The following TMEM131 variants were observed in gnomAD, a reference collection of about 807,000 sequenced individuals.
TMEM131 encodes the protein 2610524E03Rik.
Under a neutral mutation model 211.6 loss-of-function variants are expected in TMEM131, and 66 were observed. The ratio of observed to expected loss-of-function variants is 0.31; its 90% CI spans 0.26 to 0.38. The LOEUF is 0.38. Among genes scored for constraint, TMEM131 ranks in the 10% least tolerant of loss-of-function variants. TMEM131 has a pLI of 1.00. For synonymous variants in TMEM131, 844 were observed against 841.3 expected, an observed-to-expected ratio of 1.00 and a Z score of -0.06; for missense variants, 2,036 against 2,299.3, an observed-to-expected ratio of 0.89 and a Z score of 2.34.
At chr2:97,850,309 G>A (rs1184261564) in intron 5 of TMEM131, among the ~76,000 whole-genome samples, 3 of 152,158 alleles carry the variant, frequency 2.0e-5, no homozygotes, top group East Asian at 3.8e-4. Flanking sequence ...GGGCAGTGAA[G>A]AAAACTTATG....
At chr2:97,873,304 G>C (rs1243719040) in intron 4 of TMEM131, among the ~76,000 whole-genome samples, 1 of 152,228 alleles carries the variant, frequency 6.6e-6, no homozygotes, top group Non-Finnish European at 1.5e-5. Flanking sequence ...TGGGGAAAGG[G>C]GCAGCTGTGG....
intron 1 of TMEM131, among the ~76,000 whole-genome samples, chr2:97,933,030 T>G (rs1677296539): frequency 6.6e-6 from 1 of 152,224 alleles, no homozygotes; most frequent in East Asian, 1.9e-4. Context: ...TTCAGTATAG[T>G]AACATGTTGT....
At position 97,938,791 on chromosome 2, in the gene TMEM131, C is replaced by T. The variant is rs140380357; in HGVS notation, c.188-11304G>A. 1.7e-3 allele frequency among the ~76,000 whole-genome samples: 264 copies of T among 152,276 alleles called. 9 individuals are homozygous for T. The East Asian group carries it at 0.043, about 25-fold the overall frequency. The stretch of plus-strand genomic sequence containing the variant: ...ACATAGTTGGAAGTAAAGCACTCCT[C>T]GGCAAATGTAAAAGAATAGAAATTA... On this transcript the variant is annotated intron_variant, in intron 1 of 40. Coordinates refer to ENST00000186436, the MANE Select transcript of TMEM131 (RefSeq NM_015348.2).
chr2:97,969,812 G>A (rs1679219274), intron 1 of TMEM131, among the ~76,000 whole-genome samples: 1 of 152,188 alleles, frequency 6.6e-6, no homozygotes, highest in Non-Finnish European at 1.5e-5. Flanking sequence ...TTATTAATAA[G>A]CAGTGTTTCA....
chr2:97,800,492 G>A (rs1196645734), intron 25 of TMEM131, among the ~76,000 whole-genome samples: 1 of 151,904 alleles, frequency 6.6e-6, no homozygotes, highest in East Asian at 1.9e-4. Flanking sequence ...GCTCACGCCT[G>A]TAATCCCAGT....
intron 3 of TMEM131, among the ~76,000 whole-genome samples, chr2:97,908,314 G>A (rs138970326): frequency 1.7e-4 from 26 of 152,266 alleles, no homozygotes; most frequent in African/African-American, 6.3e-4. Flanking sequence ...GCAGACCCCT[G>A]GTAACTGGGG....
At position 97,826,157 on chromosome 2, in the gene TMEM131, G is replaced by A. The variant is rs137862168; in HGVS notation, c.1074+7208C>T. ...TGATGAAAGTTCATTTGTGGAAAAT[G>A]GGATATGAAGGGCAGGTTATGCCAT... is the stretch of plus-strand genomic sequence containing the variant. On this transcript the variant is annotated intron_variant, in intron 11 of 40. Coordinates refer to ENST00000186436, the MANE Select transcript of TMEM131 (RefSeq NM_015348.2). Among the ~76,000 whole-genome samples the A allele has an allele frequency of 6.2e-3, 950 of 152,324 alleles. 14 individuals are homozygous for A. The highest frequency in any genetic ancestry group is 0.02 in the African/African-American group (828 of 41,580).
intron 1 of TMEM131, among the ~76,000 whole-genome samples, chr2:97,947,569 AAAAG>A (rs1678102110): frequency 6.6e-6 from 1 of 152,126 alleles, no homozygotes; most frequent in South Asian, 2.1e-4. Context: ...CACCTAAATA[AAAAG>A]AAAGATATAC....
chr2:97,931,829 T>C (rs1677232055), intron 1 of TMEM131, among the ~76,000 whole-genome samples: 2 of 152,206 alleles, frequency 1.3e-5, no homozygotes, highest in Admixed American at 1.3e-4. Context: ...CCTAGCATGC[T>C]GTTGTTATGG....
intron 17 of TMEM131, among the ~76,000 whole-genome samples, chr2:97,812,189 G>C (rs923215232): frequency 6.6e-6 from 1 of 152,196 alleles, no homozygotes; most frequent in Non-Finnish European, 1.5e-5. Context: ...AAATTTGTGT[G>C]TTATAGAACT....
chr2:97,983,692 T>C (rs1679903635), intron 1 of TMEM131, among the ~76,000 whole-genome samples: 1 of 152,344 alleles, frequency 6.6e-6, no homozygotes, highest in Non-Finnish European at 1.5e-5. Flanking sequence ...CTTTGATCAC[T>C]AGAAGCAGGG....
intron 1 of TMEM131, among the ~76,000 whole-genome samples, chr2:97,991,783 T>A (rs1680279095): frequency 6.6e-6 from 1 of 152,188 alleles, no homozygotes; most frequent in Non-Finnish European, 1.5e-5. Flanking sequence ...AGAGAACACC[T>A]AAAATATCAA....
chr2:97,777,666 C>T (rs1239594522), intron 31 of TMEM131, among the ~76,000 whole-genome samples: 1 of 152,180 alleles, frequency 6.6e-6, no homozygotes, highest in Non-Finnish European at 1.5e-5. Flanking sequence ...ACACTGATTA[C>T]AAGAAGTGTT....
At chr2:97,768,055 G>A (rs1324521698) in intron 33 of TMEM131, among the ~76,000 whole-genome samples, 3 of 136,324 alleles carry the variant, frequency 2.2e-5, no homozygotes, top group Admixed American at 1.5e-4. Flanking sequence ...AGGTGGTAGG[G>A]TCAAAGGACA....
intron 1 of TMEM131, among the ~76,000 whole-genome samples, chr2:97,989,981 G>A (rs999695229): frequency 6.6e-6 from 1 of 152,182 alleles, no homozygotes; most frequent in African/African-American, 2.4e-5. Flanking sequence ...TCTGCCTGCC[G>A]AGGCAAATGC....
intron 31 of TMEM131, among the ~76,000 whole-genome samples, chr2:97,785,745 G>T (rs527624990): frequency 6.6e-6 from 1 of 152,148 alleles, no homozygotes; most frequent in South Asian, 2.1e-4. Flanking sequence ...ATACATAACA[G>T]CCCCAAATTA....
At chr2:97,771,076 G>A (rs912759729) in intron 33 of TMEM131, among the ~76,000 whole-genome samples, 1 of 151,992 alleles carries the variant, frequency 6.6e-6, no homozygotes, top group Admixed American at 6.5e-5. Context: ...CAGAAGAGGT[G>A]GTCTCCTTTT....
chr2:97,936,391 G>A (rs1382816872), intron 1 of TMEM131, among the ~76,000 whole-genome samples: 1 of 152,180 alleles, frequency 6.6e-6, no homozygotes, highest in Non-Finnish European at 1.5e-5. Flanking sequence ...TCACACCTGG[G>A]GCTGACCCCA....
At chr2:97,967,250 A>T (rs1407708560) in intron 1 of TMEM131, among the ~76,000 whole-genome samples, 1 of 152,182 alleles carries the variant, frequency 6.6e-6, no homozygotes, top group Non-Finnish European at 1.5e-5. Context: ...ATTAATATGT[A>T]CCTTTAATCT....
Sources: gnomAD v4.1 joint callset for allele counts (sites outside exome capture counted in the v4.1 genomes callset) on GRCh38, gnomAD v4.1.1 for gene constraint, MANE v1.5 for transcripts, NCBI Gene and HGNC (gene_info 2026-07-23, HGNC 2026-07-21) for gene names.